TMEM135: variants seen among roughly 807,000 people sequenced by gnomAD.
TMEM135 encodes the protein peroxisomal membrane protein 52.
In TMEM135, 30 loss-of-function variants were observed where a neutral mutation model predicts 60.3. The ratio of observed to expected loss-of-function variants is 0.50; its 90% CI spans 0.37 to 0.68. The LOEUF is 0.68. Ranked by LOEUF, TMEM135 falls within the 30% of genes least tolerant of loss-of-function variation. TMEM135 has a pLI of 0.00. For synonymous variants in TMEM135, 190 were observed against 186.7 expected (o/e 1.02, Z -0.14); for missense variants, 468 against 548.8 (o/e 0.85, Z 1.47).
rs939185046 is a variant in TMEM135 at position 87,321,992 on chromosome 11, T to C, written c.*659T>C. 4 of 454,340 alleles carry C rather than the reference T, an allele frequency of 8.8e-6. No individual in the cohort carries two copies. Among genetic ancestry groups the C allele is most frequent in the African/African-American group, 4.0e-5 (2 of 49,986 alleles). The allele number at this position is 454,340 out of a possible 1,614,324, so 28.1% of individuals were successfully genotyped here. A position where few individuals can be genotyped will look rare whatever the true frequency, so the allele number is the denominator to read the frequency against. Reference sequence around the variant, plus strand: ...ATCATCTCTCTTCATGACCAGTTAATTGGGCTATTTGGCAGCCCAGTGAAC... The same window carrying C: ...ATCATCTCTCTTCATGACCAGTTAACTGGGCTATTTGGCAGCCCAGTGAAC... On this transcript the variant is annotated 3_prime_UTR_variant, in exon 15 of 15. Coordinates refer to ENST00000305494, the MANE Select transcript of TMEM135 (RefSeq NM_022918.4).
chr11:87,207,223 C>T (rs1020252145), intron 5 of TMEM135, among the ~76,000 whole-genome samples: 2 of 152,154 alleles, frequency 1.3e-5, no homozygotes, highest in Non-Finnish European at 2.9e-5. Flanking sequence ...TGCTTTAGGA[C>T]TTTGGGTTCT....
At chr11:87,282,041 A>G (rs1942069222) in intron 6 of TMEM135, among the ~76,000 whole-genome samples, 2 of 152,228 alleles carry the variant, frequency 1.3e-5, no homozygotes, top group South Asian at 4.1e-4. Flanking sequence ...TTTTGTTAAA[A>G]CACAAGTTGC....
intron 5 of TMEM135, among the ~76,000 whole-genome samples, chr11:87,187,315 G>A (rs1939677605): frequency 6.6e-6 from 1 of 152,182 alleles, no homozygotes; most frequent in Non-Finnish European, 1.5e-5. Context: ...TGTGTACTAA[G>A]TTGACCATGT....
At chr11:87,042,959 GT>G (rs59843545) in intron 1 of TMEM135, among the ~76,000 whole-genome samples, 22 of 141,154 alleles carry the variant, frequency 1.6e-4, no homozygotes, top group Non-Finnish European at 1.5e-4. Flanking sequence ...GTTTTGTTTT[GT>G]TTTTTTTTTT....
intron 8 of TMEM135, 101 bp from the exon 9 acceptor site, chr11:87,305,835 T>C: frequency 1.8e-6 from 1 of 569,954 alleles, no homozygotes; most frequent in Non-Finnish European, 2.9e-6. Context: ...CTCTTTTTTT[T>C]TTTGGTTAGA....
At position 87,321,975 on chromosome 11, in the gene TMEM135, T is replaced by C. The variant is rs1374131045; in HGVS notation, c.*642T>C. The C allele has an allele frequency of 2.2e-6, 1 of 454,438 alleles. No homozygotes were observed. Among genetic ancestry groups the C allele is most frequent in the Non-Finnish European group, 4.4e-6 (1 of 226,738 alleles). The allele number at this position is 454,438 out of a possible 1,614,324, so 28.2% of individuals were successfully genotyped here. A position where few individuals can be genotyped will look rare whatever the true frequency, so the allele number is the denominator to read the frequency against. The stretch of plus-strand genomic sequence containing the variant: ...TTTTTTCAACTAATAACATCATCTC[T>C]CTTCATGACCAGTTAATTGGGCTAT... On this transcript the variant is annotated 3_prime_UTR_variant, in exon 15 of 15. Transcript: ENST00000305494.
chr11:87,042,663 C>G (rs553424784), intron 1 of TMEM135, among the ~76,000 whole-genome samples: 10 of 152,236 alleles, frequency 6.6e-5, no homozygotes, highest in African/African-American at 2.4e-4. Context: ...AGAGTGTTTT[C>G]TGGAGCCTAT....
At chr11:87,072,419 T>C (rs1032106297) in intron 3 of TMEM135, among the ~76,000 whole-genome samples, 1 of 152,202 alleles carries the variant, frequency 6.6e-6, no homozygotes, top group Non-Finnish European at 1.5e-5. Context: ...CTTGCTCTGT[T>C]GCGCAGGCTG....
chr11:87,317,680 A>G (rs1265513671), intron 12 of TMEM135, among the ~76,000 whole-genome samples: 1 of 152,104 alleles, frequency 6.6e-6, no homozygotes, highest in African/African-American at 2.4e-5. Context: ...AGATCATGCA[A>G]AGTTGAAGAA....
At chr11:87,147,368 G>A (rs1045299098) in intron 4 of TMEM135, among the ~76,000 whole-genome samples, 1 of 152,098 alleles carries the variant, frequency 6.6e-6, no homozygotes, top group African/African-American at 2.4e-5. Flanking sequence ...AACAAAAATT[G>A]TTACTTCTTT....
At chr11:87,261,197 A>G (rs1941644729) in intron 6 of TMEM135, among the ~76,000 whole-genome samples, 1 of 152,182 alleles carries the variant, frequency 6.6e-6, no homozygotes, top group Non-Finnish European at 1.5e-5. Context: ...TTACTTTAGA[A>G]GGTCAAAGAT....
chr11:87,206,807 C>T (rs1479973695), intron 5 of TMEM135, among the ~76,000 whole-genome samples: 2 of 152,086 alleles, frequency 1.3e-5, no homozygotes, highest in African/African-American at 2.4e-5. Flanking sequence ...CTTGTGCATA[C>T]ATTTGATAAT....
chr11:87,227,661 T>C (rs1011905411), intron 5 of TMEM135, among the ~76,000 whole-genome samples: 1 of 152,158 alleles, frequency 6.6e-6, no homozygotes, highest in African/African-American at 2.4e-5. Context: ...ATAGTGTTGC[T>C]TAAAATTACA....
In TMEM135 at chr11:87,249,394, T is replaced by G. The variant is rs561681026; in HGVS notation, c.509+12710T>G. 3.3e-5 allele frequency among the ~76,000 whole-genome samples: 5 copies of G among 151,984 alleles called. No homozygotes were observed. In the East Asian group the frequency reaches 7.7e-4, roughly 23 times the overall value. On this transcript the variant is annotated intron_variant, in intron 6 of 14. Transcript: ENST00000305494. The stretch of plus-strand genomic sequence containing the variant: ...TAGTTTATATGATGTATCACATTGA[T>G]TGATTTATCTTTTCAAAAAAACCAA...
chr11:87,159,641 G>C (rs2135271509), intron 5 of TMEM135, among the ~76,000 whole-genome samples: 1 of 143,876 alleles, frequency 7.0e-6, no homozygotes, highest in Non-Finnish European at 1.5e-5. Context: ...GAGACGGTTG[G>C]CTAAATGCTA....
chr11:87,159,186 TCAGA>T (rs1938792485), intron 5 of TMEM135, among the ~76,000 whole-genome samples: 3 of 152,206 alleles, frequency 2.0e-5, no homozygotes, highest in African/African-American at 4.8e-5. Context: ...AGTATTAGTG[TCAGA>T]CAAAGTGTTT....
chr11:87,206,512 C>T (rs11235012), intron 5 of TMEM135, among the ~76,000 whole-genome samples: 4,243 of 151,646 alleles, frequency 0.028, 104 homozygotes, highest in South Asian at 0.097. Context: ...TTGAAAAAAA[C>T]AGTATAAAAA....
Position 87,327,257 on chromosome 11 carries a change from T to A in TMEM135, c.*5924T>A, listed in dbSNP as rs1255219454. The A allele has an allele frequency of 4.4e-6, 2 of 454,108 alleles. No homozygotes were observed. The highest frequency in any genetic ancestry group is 8.8e-6 in the Non-Finnish European group (2 of 226,796). The allele number at this position is 454,108 out of a possible 1,614,324, so 28.1% of individuals were successfully genotyped here. ...TAAAGGAAAGTTCTTTTTACCTCTT[T>A]TTCTCTTGTTCAAGGTATTAGTATT... On this transcript the variant is annotated 3_prime_UTR_variant, in exon 15 of 15. Coordinates refer to ENST00000305494, the MANE Select transcript of TMEM135 (RefSeq NM_022918.4).
intron 6 of TMEM135, among the ~76,000 whole-genome samples, chr11:87,245,243 C>T (rs190582798): frequency 1.3e-5 from 2 of 151,322 alleles, no homozygotes; most frequent in African/African-American, 4.9e-5. Context: ...TGTTCTTTTA[C>T]ATTTGCTGAG....
Sources: allele counts gnomAD v4.1 joint callset (sites outside exome capture counted in the v4.1 genomes callset), GRCh38; gene constraint gnomAD v4.1.1; transcripts MANE v1.5; gene names NCBI Gene and HGNC (gene_info 2026-07-23, HGNC 2026-07-21).